The following DPYD variants were observed in gnomAD, a reference collection of about 807,000 sequenced individuals.
DPYD encodes dihydropyrimidine dehydrogenase.
A neutral mutation model predicts 116.2 loss-of-function variants in DPYD; 109 were observed. That is an observed-to-expected ratio of 0.94 (90% CI 0.80 to 1.10). The LOEUF is 1.10. Ranked by LOEUF, DPYD falls within the 50% of genes least tolerant of loss-of-function variation. The probability of loss-of-function intolerance (pLI) is 0.00; values close to 1 mark genes in which losing one functional copy is unlikely to be tolerated. For missense variants in DPYD, 1,302 were observed against 1,254.5 expected (o/e 1.04, Z -0.57); for synonymous variants, 440 against 432.0 (o/e 1.02, Z -0.23).
chr1:97,558,100 G>A (rs1651878434), intron 11 of DPYD, among the ~76,000 whole-genome samples: 1 of 152,162 alleles, frequency 6.6e-6, no homozygotes, highest in Non-Finnish European at 1.5e-5. Flanking sequence ...GAACAGCAAA[G>A]AATTCTAGTC....
intron 13 of DPYD, among the ~76,000 whole-genome samples, chr1:97,508,000 A>G (rs1257440391): frequency 6.6e-6 from 1 of 152,022 alleles, no homozygotes; most frequent in African/African-American, 2.4e-5. Flanking sequence ...TACTATAATT[A>G]TTCATTCATC....
intron 2 of DPYD, among the ~76,000 whole-genome samples, chr1:97,858,403 T>C (rs967067729): frequency 1.3e-5 from 2 of 152,182 alleles, no homozygotes; most frequent in Non-Finnish European, 2.9e-5. Context: ...ATTTAAGTAA[T>C]TAGGAAACCT....
At chr1:97,135,538 T>G (rs1205568280) in intron 20 of DPYD, among the ~76,000 whole-genome samples, 1 of 152,242 alleles carries the variant, frequency 6.6e-6, no homozygotes, top group Non-Finnish European at 1.5e-5. Flanking sequence ...TCTTAAATTT[T>G]AAAAATTTTA....
chr1:97,514,190 T>C, intron 13 of DPYD: 1 of 984,808 alleles, frequency 1.0e-6, no homozygotes, highest in Non-Finnish European at 1.2e-6. Context: ...TTATTTCTGC[T>C]GGTGATCCTA....
intron 8 of DPYD, among the ~76,000 whole-genome samples, chr1:97,666,501 T>G (rs953515605): frequency 6.6e-6 from 1 of 152,102 alleles, no homozygotes; most frequent in Non-Finnish European, 1.5e-5. Context: ...GTGTTTTTTT[T>G]CTTTGATTAC....
intron 3 of DPYD, among the ~76,000 whole-genome samples, chr1:97,756,760 A>G (rs1419049737): frequency 6.6e-6 from 1 of 152,326 alleles, no homozygotes; most frequent in East Asian, 1.9e-4. Context: ...AGTTCTATAT[A>G]TAAGATGACA....
At chr1:97,465,421 T>C (rs1031523309) in intron 13 of DPYD, among the ~76,000 whole-genome samples, 1 of 152,156 alleles carries the variant, frequency 6.6e-6, no homozygotes, top group Non-Finnish European at 1.5e-5. Flanking sequence ...AGGGCTGGAA[T>C]GATATGGTTT....
intron 22 of DPYD, 131 bp from the exon 23 acceptor site, chr1:97,079,277 CA>C: frequency 5.8e-6 from 5 of 861,784 alleles, no homozygotes; most frequent in Non-Finnish European, 9.8e-6. Context: ...CTCTATGGTG[CA>C]ACTATAGCAA....
At chr1:97,762,706 A>G (rs541576227) in intron 3 of DPYD, among the ~76,000 whole-genome samples, 11 of 152,200 alleles carry the variant, frequency 7.2e-5, no homozygotes, top group African/African-American at 2.6e-4. Flanking sequence ...TTTCTTGACT[A>G]GAATATAATT....
intron 12 of DPYD, chr1:97,546,493 C>G: frequency 6.2e-7 from 1 of 1,603,726 alleles, no homozygotes; most frequent in Non-Finnish European, 8.5e-7. Flanking sequence ...AGATGAAAAA[C>G]AAAACAAAGA....
intron 12 of DPYD, among the ~76,000 whole-genome samples, chr1:97,517,686 G>T (rs1164098734): frequency 6.6e-6 from 1 of 152,036 alleles, no homozygotes; most frequent in African/African-American, 2.4e-5. Context: ...ATTCAATCAA[G>T]CAAGTTTTAG....
chr1:97,888,406 T>C (rs535682759), intron 1 of DPYD, among the ~76,000 whole-genome samples: 1 of 151,684 alleles, frequency 6.6e-6, no homozygotes, highest in East Asian at 1.9e-4. Flanking sequence ...GTAATGGGAT[T>C]ACCTGAAAAA....
intron 20 of DPYD, among the ~76,000 whole-genome samples, chr1:97,181,007 A>G (rs1657608317): frequency 6.6e-6 from 1 of 152,150 alleles, no homozygotes; most frequent in Non-Finnish European, 1.5e-5. Flanking sequence ...TTGCTGCCCA[A>G]ATTCCTAGAA....
intron 19 of DPYD, among the ~76,000 whole-genome samples, chr1:97,227,001 G>C (rs1395745389): frequency 3.9e-5 from 6 of 151,940 alleles, no homozygotes; most frequent in African/African-American, 1.5e-4. Flanking sequence ...AAGAAAATTC[G>C]CTCAAAAATT....
chr1:97,101,909 G>C (rs1650716571), intron 20 of DPYD, among the ~76,000 whole-genome samples: 1 of 151,952 alleles, frequency 6.6e-6, no homozygotes, highest in South Asian at 2.1e-4. Context: ...TGATGAATTT[G>C]TTCTCACCAG....
intron 12 of DPYD, among the ~76,000 whole-genome samples, chr1:97,540,270 C>T (rs954493432): frequency 1.4e-5 from 2 of 143,936 alleles, no homozygotes; most frequent in Non-Finnish European, 3.0e-5. Context: ...GGGATTCCCA[C>T]AACCCCTTCT....
intron 16 of DPYD, among the ~76,000 whole-genome samples, chr1:97,318,817 C>T (rs1473464764): frequency 6.7e-6 from 1 of 149,948 alleles, no homozygotes; most frequent in Non-Finnish European, 1.5e-5. Context: ...CCAAAATTGA[C>T]CACATAGTTG....
At chr1:97,177,488 G>A (rs1487803959) in intron 20 of DPYD, among the ~76,000 whole-genome samples, 4 of 152,010 alleles carry the variant, frequency 2.6e-5, no homozygotes, top group Non-Finnish European at 5.9e-5. Context: ...AGTAAGAAAC[G>A]AAGGGCAGTG....
intron 12 of DPYD, among the ~76,000 whole-genome samples, chr1:97,529,785 TTTTC>T (rs201658939): frequency 0.035 from 5,234 of 150,540 alleles, 307 homozygotes; most frequent in African/African-American, 0.12. Context: ...TTCTTTCTCT[TTTTC>T]TTTTTTCCCT....
Sources: allele counts gnomAD v4.1 joint callset (sites outside exome capture counted in the v4.1 genomes callset), GRCh38; gene constraint gnomAD v4.1.1; transcripts MANE v1.5; gene names NCBI Gene and HGNC (gene_info 2026-07-23, HGNC 2026-07-21).